Variants in AMD1 observed in about 807,000 individuals in gnomAD.
AMD1 encodes the protein S-adenosylmethionine decarboxylase proenzyme.
Under a neutral mutation model 40.2 loss-of-function variants are expected in AMD1, and 11 were observed. The ratio of observed to expected loss-of-function variants is 0.27; its 90% CI spans 0.17 to 0.45. The LOEUF (loss-of-function observed/expected upper bound fraction) is 0.45. Ranked by LOEUF, AMD1 falls within the 20% of genes least tolerant of loss-of-function variation. The pLI, the probability that AMD1 is intolerant of heterozygous loss-of-function variation, is 1.00. For missense variants in AMD1, 257 were observed against 410.2 expected, an observed-to-expected ratio of 0.63 and a Z score of 3.23; for synonymous variants, 121 against 130.8, an observed-to-expected ratio of 0.93 and a Z score of 0.51.
At chr6:110,885,224 G>T (rs1052904193) in intron 1 of AMD1, among the ~76,000 whole-genome samples, 6 of 151,902 alleles carry the variant, frequency 3.9e-5, no homozygotes, top group African/African-American at 7.3e-5. Flanking sequence ...TCAGTCTCCT[G>T]CCTCAGCCTC....
chr6:110,875,487 G>A lies in AMD1; in HGVS notation c.110+272G>A, dbSNP rs568814180. The A allele has an allele frequency of 6.5e-5, 23 of 351,196 alleles. 1 individual carries two copies. In the East Asian group the frequency reaches 8.9e-4, roughly 14 times the overall value. The allele number at this position is 351,196 out of a possible 1,614,324, so 21.8% of individuals were successfully genotyped here. A position where few individuals can be genotyped will look rare whatever the true frequency, so the allele number is the denominator to read the frequency against. The stretch of plus-strand genomic sequence containing the variant: ...CGGCGCGGCCGCGTGCTCAGGTAAC[G>A]TCCCGCGCTGGGCGGCGGGCGGCGC... On this transcript the variant is annotated intron_variant, in intron 1 of 8. Transcript: ENST00000368885.
At chr6:110,847,887 T>A in the AMD1 span, among the ~76,000 whole-genome samples, 1 of 149,744 alleles carries the variant, frequency 6.7e-6, no homozygotes, top group Non-Finnish European at 1.5e-5. Flanking sequence ...AATTTTTGTA[T>A]TTTTTTTTAG....
chr6:110,890,104 A>G, intron 3 of AMD1, 150 bp from the exon 4 acceptor site: 1 of 581,528 alleles, frequency 1.7e-6, no homozygotes, highest in African/African-American at 1.9e-5. Context: ...GCGAGACTAC[A>G]GGCATATGCT....
intron 1 of AMD1, among the ~76,000 whole-genome samples, chr6:110,883,806 C>T (rs555354990): frequency 6.6e-5 from 10 of 151,964 alleles, no homozygotes; most frequent in Admixed American, 2.0e-4. Context: ...ACCTTGTTAG[C>T]CAGGATGGTC....
chr6:110,845,248 AG>A, the AMD1 span, among the ~76,000 whole-genome samples: 1 of 151,936 alleles, frequency 6.6e-6, no homozygotes, highest in African/African-American at 2.4e-5. Context: ...CATGTTGGCC[AG>A]GCTGGTCTCC....
At chr6:110,817,319 G>C in the AMD1 span, among the ~76,000 whole-genome samples, 1 of 152,200 alleles carries the variant, frequency 6.6e-6, no homozygotes, top group Non-Finnish European at 1.5e-5. Flanking sequence ...TAGACCTTGA[G>C]TCTCTTCAGG....
the AMD1 span, among the ~76,000 whole-genome samples, chr6:110,849,772 C>T: frequency 1.3e-5 from 2 of 152,132 alleles, no homozygotes; most frequent in Admixed American, 1.3e-4. Flanking sequence ...GTAATCCTAG[C>T]ACTTTGGGAG....
At chr6:110,836,127 C>T in the AMD1 span, among the ~76,000 whole-genome samples, 1 of 151,522 alleles carries the variant, frequency 6.6e-6, no homozygotes, top group Non-Finnish European at 1.5e-5. Flanking sequence ...TATAATCTTT[C>T]CTGAAGGCAA....
the AMD1 span, among the ~76,000 whole-genome samples, chr6:110,842,810 C>T: frequency 6.6e-6 from 1 of 152,048 alleles, no homozygotes; most frequent in South Asian, 2.1e-4. Context: ...CAAACAATTC[C>T]CACAGATATT....
the AMD1 span, among the ~76,000 whole-genome samples, chr6:110,866,111 C>T: frequency 6.6e-6 from 1 of 151,634 alleles, no homozygotes; most frequent in South Asian, 2.1e-4. Context: ...GCCTTATCTA[C>T]ATAATTTTAA....
chr6:110,846,195 C>T, the AMD1 span, among the ~76,000 whole-genome samples: 16 of 152,004 alleles, frequency 1.1e-4, no homozygotes, highest in East Asian at 3.9e-4. Context: ...GCTGAGATCG[C>T]GCCACTGCAC....
chr6:110,886,000 A>ATC (rs1315623421), intron 1 of AMD1, among the ~76,000 whole-genome samples: 1 of 152,172 alleles, frequency 6.6e-6, no homozygotes, highest in Non-Finnish European at 1.5e-5. Context: ...CATGCCTGTA[A>ATC]TCCCAGCACT....
the AMD1 span, among the ~76,000 whole-genome samples, chr6:110,836,243 A>G: frequency 6.6e-6 from 1 of 152,122 alleles, no homozygotes. Flanking sequence ...GAACAACAAC[A>G]AAAAATCAAT....
the AMD1 span, chr6:110,814,891 G>C: frequency 7.3e-7 from 1 of 1,379,150 alleles, no homozygotes; most frequent in South Asian, 1.2e-5. Flanking sequence ...GCAACCCCGC[G>C]ACCCCCTCCG....
the AMD1 span, among the ~76,000 whole-genome samples, chr6:110,866,024 A>C: frequency 5.9e-5 from 9 of 152,174 alleles, no homozygotes; most frequent in Non-Finnish European, 1.2e-4. Context: ...CGGCCTCCCA[A>C]AGTGCTGGGA....
At chr6:110,820,662 G>T in the AMD1 span, among the ~76,000 whole-genome samples, 13 of 152,100 alleles carry the variant, frequency 8.5e-5, 1 homozygote, top group Non-Finnish European at 1.9e-4. Context: ...AGCACTTTGG[G>T]AGGCCAAGGT....
the AMD1 span, among the ~76,000 whole-genome samples, chr6:110,827,949 T>C: frequency 2.6e-5 from 4 of 152,208 alleles, no homozygotes; most frequent in Non-Finnish European, 5.9e-5. Flanking sequence ...GTCATTTTTT[T>C]CCTAAATCGT....
chr6:110,849,162 A>G, the AMD1 span, among the ~76,000 whole-genome samples: 1 of 152,194 alleles, frequency 6.6e-6, no homozygotes, highest in South Asian at 2.1e-4. Context: ...TCTTGAGAAC[A>G]TGGTATCTGG....
At chr6:110,886,607 A>G (rs1014775525) in intron 1 of AMD1, among the ~76,000 whole-genome samples, 6 of 152,104 alleles carry the variant, frequency 3.9e-5, no homozygotes, top group Admixed American at 3.9e-4. Flanking sequence ...GCCTGGCCTA[A>G]AAAATATTTC....
Sources: gnomAD v4.1 joint callset for allele counts (sites outside exome capture counted in the v4.1 genomes callset) on GRCh38, gnomAD v4.1.1 for gene constraint, MANE v1.5 for transcripts, NCBI Gene and HGNC (gene_info 2026-07-23, HGNC 2026-07-21) for gene names.